The following NFXL1 variants were observed in gnomAD, a reference collection of about 807,000 sequenced individuals.
NFXL1 encodes nuclear transcription factor, X-box binding like 1.
NFXL1 carries 66 observed loss-of-function variants against 123.3 expected under a neutral mutation model. The ratio of observed to expected loss-of-function variants is 0.54; its 90% CI spans 0.44 to 0.66. The LOEUF (loss-of-function observed/expected upper bound fraction) is 0.66, where lower values mean the gene tolerates loss of function less well. Among genes scored for constraint, NFXL1 ranks in the 30% least tolerant of loss-of-function variants. The pLI is 0.00. For missense variants in NFXL1, 944 were observed against 1,125.6 expected, an observed-to-expected ratio of 0.84 and a Z score of 2.31; for synonymous variants, 346 against 360.8, an observed-to-expected ratio of 0.96 and a Z score of 0.46.
intron 18 of NFXL1, 144 bp downstream of exon 18, chr4:47,874,983 C>T: frequency 2.1e-6 from 1 of 474,494 alleles, no homozygotes; most frequent in Non-Finnish European, 3.8e-6. Flanking sequence ...GTGTAGTATT[C>T]TACATGTCTT....
At chr4:47,867,241 G>GAA (rs34818239) in intron 18 of NFXL1, among the ~76,000 whole-genome samples, 13 of 148,822 alleles carry the variant, frequency 8.7e-5, no homozygotes, top group South Asian at 2.1e-4. Flanking sequence ...TTGAATTCAG[G>GAA]AAAAAAAAAA....
chr4:47,893,211 A>G (rs529475467), intron 11 of NFXL1, among the ~76,000 whole-genome samples: 1 of 152,260 alleles, frequency 6.6e-6, no homozygotes, highest in African/African-American at 2.4e-5. Flanking sequence ...TGGAAATTCA[A>G]GCAGCATATA....
chr4:47,901,860 G>C (rs1025275746), intron 5 of NFXL1, among the ~76,000 whole-genome samples: 4 of 152,104 alleles, frequency 2.6e-5, no homozygotes, highest in Non-Finnish European at 5.9e-5. Context: ...TCTTCTAAAA[G>C]TAACTAGCAC....
Position 47,851,237 on chromosome 4 carries a change from C to A in NFXL1, c.2509-89G>T, listed in dbSNP as rs1734101442. ...CATCTACCCATCCAGGTTCTATTAA[C>A]CCATATCAACTTTTAGGAGCTTGAA... is the stretch of plus-strand genomic sequence containing the variant. On this transcript the variant is annotated intron_variant, in intron 21 of 22. Coordinates refer to ENST00000507489, the MANE Select transcript of NFXL1 (RefSeq NM_001278624.2). The A allele has an allele frequency of 3.4e-6, 3 of 879,984 alleles. No homozygotes were observed. The South Asian group carries it at 4.4e-5, about 13-fold the overall frequency. The allele number at this position is 879,984 out of a possible 1,614,324, so 54.5% of individuals were successfully genotyped here. A position where few individuals can be genotyped will look rare whatever the true frequency, so the allele number is the denominator to read the frequency against.
intron 20 of NFXL1, among the ~76,000 whole-genome samples, chr4:47,852,756 C>T (rs4695288): frequency 0.98 from 148,714 of 152,178 alleles, 72,683 homozygotes; most frequent in East Asian, 1. Flanking sequence ...TTTTGTAGTA[C>T]ATCTATCTTT....
At chr4:47,865,500 A>C (rs1560584524) in intron 18 of NFXL1, among the ~76,000 whole-genome samples, 6 of 74,708 alleles carry the variant, frequency 8.0e-5, no homozygotes, top group Non-Finnish European at 6.2e-5. Flanking sequence ...AAAAAAAAAA[A>C]ACAACTCCTG....
intron 10 of NFXL1, among the ~76,000 whole-genome samples, chr4:47,896,030 G>A (rs1211086771): frequency 6.6e-6 from 1 of 152,170 alleles, no homozygotes; most frequent in Non-Finnish European, 1.5e-5. Context: ...AATGGGGAAC[G>A]ACTGGTCAGT....
intron 3 of NFXL1, among the ~76,000 whole-genome samples, chr4:47,908,934 G>A (rs185822142): frequency 5.6e-5 from 7 of 125,892 alleles, no homozygotes; most frequent in Middle Eastern, 7.0e-3. Context: ...CAGCCTGGGC[G>A]ACAGAGTGAG....
chr4:47,878,073 T>C (rs1735859764), intron 17 of NFXL1, among the ~76,000 whole-genome samples: 1 of 152,034 alleles, frequency 6.6e-6, no homozygotes. Flanking sequence ...TATTTTACTT[T>C]TAACAAAAGA....
intron 15 of NFXL1, among the ~76,000 whole-genome samples, chr4:47,882,596 T>C (rs1736181214): frequency 6.6e-6 from 1 of 152,224 alleles, no homozygotes; most frequent in African/African-American, 2.4e-5. Context: ...GCTTTTTCTT[T>C]AGGTTTTCAT....
At chr4:47,884,513 G>C (rs984481774) in intron 14 of NFXL1, 76 bp from the exon 15 acceptor site, 2 of 877,940 alleles carry the variant, frequency 2.3e-6, no homozygotes, top group Non-Finnish European at 3.7e-6. Context: ...TAAGAAAATA[G>C]TTCCATGTAT....
rs749273589 is a variant in NFXL1 at position 47,903,266 on chromosome 4, C to T, written c.574G>A (p.Ala192Thr). The stretch of plus-strand genomic sequence containing the variant: ...GATACAAGAAACTGGCTGTCTTTAG[C>T]CCACTTCTGGATACAGGGCATGTGA... ...IFHMPCIQKW[A>T]KDSQFLVSSV... is the part of the protein sequence containing the mutation. The change falls in exon 5 of 23, where the codon GCT becomes ACT. Residue 192 changes from alanine to threonine, a missense_variant. Physicochemically the swap from Ala to Thr is moderately conservative, Grantham distance 58 (BLOSUM62 0). Coordinates refer to ENST00000507489, the MANE Select transcript of NFXL1 (RefSeq NM_001278624.2). The T allele has an allele frequency of 1.3e-6, 2 of 1,599,426 alleles. No homozygotes were observed. Among genetic ancestry groups the T allele is most frequent in the Non-Finnish European group, 1.7e-6 (2 of 1,171,908 alleles).
At position 47,859,856 on chromosome 4, in the gene NFXL1, A is replaced by C. The variant is rs1403203146; in HGVS notation, c.2316+2990T>G. 9.0e-5 allele frequency among the ~76,000 whole-genome samples: 13 copies of C among 144,052 alleles called. 1 individual carries two copies. The East Asian group carries it at 1.6e-3, about 18-fold the overall frequency. The allele number at this position is 144,052 out of a possible 152,430, so 94.5% of individuals were successfully genotyped here. On this transcript the variant is annotated intron_variant, in intron 19 of 22. Coordinates refer to ENST00000507489, the MANE Select transcript of NFXL1 (RefSeq NM_001278624.2). ...GACTCCATCTCAAAAAAAAAAAAAAAAAAAAAAAAAAAAACAAACAAACAA... is the reference window on the plus strand; with the variant it reads ...GACTCCATCTCAAAAAAAAAAAAAACAAAAAAAAAAAAAACAAACAAACAA...
chr4:47,888,236 T>C (rs1736562424), intron 12 of NFXL1, among the ~76,000 whole-genome samples: 1 of 152,170 alleles, frequency 6.6e-6, no homozygotes, highest in African/African-American at 2.4e-5. Flanking sequence ...ATTGCGCCAC[T>C]GCACTCCAGC....
At chr4:47,850,203 T>G (rs1734047773) in intron 22 of NFXL1, among the ~76,000 whole-genome samples, 2 of 152,132 alleles carry the variant, frequency 1.3e-5, no homozygotes, top group Non-Finnish European at 2.9e-5. Flanking sequence ...TTTTACTATT[T>G]AGCTCTGATA....
chr4:47,866,832 G>A (rs1735111498), intron 18 of NFXL1, among the ~76,000 whole-genome samples: 1 of 152,280 alleles, frequency 6.6e-6, no homozygotes. Context: ...CCTGAACTCT[G>A]GTATGTACCA....
chr4:47,861,412 T>C (rs1734760249), intron 19 of NFXL1, among the ~76,000 whole-genome samples: 1 of 152,174 alleles, frequency 6.6e-6, no homozygotes, highest in South Asian at 2.1e-4. Flanking sequence ...CAGAAGGACC[T>C]AGAATCCACA....
At chr4:47,869,746 T>C (rs1735315264) in intron 18 of NFXL1, among the ~76,000 whole-genome samples, 1 of 152,040 alleles carries the variant, frequency 6.6e-6, no homozygotes, top group Non-Finnish European at 1.5e-5. Context: ...AGAAAAAATG[T>C]GGTAAACCAT....
Position 47,905,334 on chromosome 4 carries a change from C to A in NFXL1, c.419G>T (p.Arg140Leu). The change falls in exon 4 of 23, where the codon CGT becomes CTT. Residue 140 changes from arginine to leucine, a missense_variant. Physicochemically the swap from Arg to Leu is moderately radical, Grantham distance 102 (BLOSUM62 -2). Around this residue, in one of 4 missense-constraint regions of NFXL1, gnomAD observed 303 missense variants for 292.1 expected, o/e 1.04. Transcript: ENST00000507489. ...TYTTQTDGDT[R>L]ELERTKQYVN... ...ATATTGTTTTGTTCGCTCTAATTCA[C>A]GTGTATCTCCATCTGGAAATTTAAA... is the stretch of plus-strand genomic sequence containing the variant. The A allele has an allele frequency of 6.5e-7, 1 of 1,546,990 alleles. No individual in the cohort carries two copies. Among genetic ancestry groups the A allele is most frequent in the Non-Finnish European group, 8.9e-7 (1 of 1,122,610 alleles).
Sources: allele counts gnomAD v4.1 joint callset (sites outside exome capture counted in the v4.1 genomes callset), GRCh38; gene constraint gnomAD v4.1.1; regional missense constraint gnomAD v4.1.1; transcripts MANE v1.5; gene names NCBI Gene and HGNC (gene_info 2026-07-23, HGNC 2026-07-21).